The following DYTN variants were observed in gnomAD, a reference collection of about 807,000 sequenced individuals.
DYTN encodes the protein dystrotelin.
DYTN carries 75 observed loss-of-function variants against 69.6 expected under a neutral mutation model. The ratio of observed to expected loss-of-function variants is 1.08; its 90% CI spans 0.89 to 1.31. The LOEUF is 1.31. Ranked by LOEUF, DYTN falls within the 50% of genes most tolerant of loss-of-function variation. The pLI is 0.00. For missense variants in DYTN, 726 were observed against 688.4 expected (o/e 1.05, Z -0.61); for synonymous variants, 252 against 249.1 (o/e 1.01, Z -0.11).
In DYTN at chr2:206,693,219, C is replaced by A. The variant is rs368704058; in HGVS notation, c.936G>T (p.Leu312=). 2 of 1,613,334 alleles carry A rather than the reference C, an allele frequency of 1.2e-6. No individual in the cohort carries two copies. Among genetic ancestry groups the A allele is most frequent in the Non-Finnish European group, 1.7e-6 (2 of 1,179,838 alleles). ...GCACACCCTTTGGATTCACCTGGTCCAGCAGCTGCTGCCTTCTCGCTGCTT... is the reference window on the plus strand; with the variant it reads ...GCACACCCTTTGGATTCACCTGGTCAAGCAGCTGCTGCCTTCTCGCTGCTT... ...KKEAARRQQL[L]DQVNPKGVPH... Residue 312 remains leucine, a synonymous_variant, in exon 9 of 12, where the codon CTG becomes CTT. Coordinates refer to ENST00000452335, the MANE Select transcript of DYTN (RefSeq NM_001093730.1).
At chr2:206,683,891 C>T (rs1477960768) in intron 9 of DYTN, among the ~76,000 whole-genome samples, 1 of 151,962 alleles carries the variant, frequency 6.6e-6, no homozygotes, top group East Asian at 1.9e-4. Flanking sequence ...CACTGAGGTC[C>T]GCTATAACCA....
chr2:206,716,678 A>T (rs1700133509), intron 1 of DYTN, among the ~76,000 whole-genome samples: 1 of 152,124 alleles, frequency 6.6e-6, no homozygotes, highest in African/African-American at 2.4e-5. Flanking sequence ...GAGAGTAGGC[A>T]TAATAGGGTG....
intron 9 of DYTN, among the ~76,000 whole-genome samples, chr2:206,687,929 T>G (rs1054231678): frequency 6.6e-6 from 1 of 152,242 alleles, no homozygotes; most frequent in African/African-American, 2.4e-5. Flanking sequence ...CTTCAGATAT[T>G]AATGTCTCTC....
At chr2:206,655,629 G>T (rs1574584191) in intron 11 of DYTN, among the ~76,000 whole-genome samples, 2 of 137,476 alleles carry the variant, frequency 1.5e-5, no homozygotes, top group East Asian at 2.1e-4. Context: ...TTGACAAGTT[G>T]CTCAGGCTGG....
At chr2:206,668,344 T>C (rs572475654) in intron 9 of DYTN, among the ~76,000 whole-genome samples, 1 of 152,340 alleles carries the variant, frequency 6.6e-6, no homozygotes, top group African/African-American at 2.4e-5. Flanking sequence ...GGTAGGACTC[T>C]GTCAGAAATC....
Position 206,694,814 on chromosome 2 carries a change from G to A in DYTN, c.783C>T (p.His261=), listed in dbSNP as rs751692292. 6.2e-7 allele frequency: 1 copy of A among 1,611,098 alleles called. No individual in the cohort carries two copies. The highest frequency in any genetic ancestry group is 1.7e-5 in the Admixed American group (1 of 59,368). Residue 261 remains histidine (H), a synonymous_variant, in exon 8 of 12, where the codon CAC becomes CAT. Coordinates refer to ENST00000452335, the MANE Select transcript of DYTN (RefSeq NM_001093730.1). ...ICQMCFLSGL[H]SKSHQKSHPV... Reference sequence around the variant, plus strand: ...GATGAGACTTCTGATGGGACTTGCTGTGAAGACCAGATAAGAAACACATCT... The same window carrying A: ...GATGAGACTTCTGATGGGACTTGCTATGAAGACCAGATAAGAAACACATCT...
intron 5 of DYTN, 100 bp from the exon 6 acceptor site, chr2:206,700,316 C>T: frequency 1.5e-6 from 2 of 1,304,388 alleles, no homozygotes; most frequent in Non-Finnish European, 2.2e-6. Context: ...TGTGTAGTCA[C>T]AAGTATTTGG....
At chr2:206,654,659 G>C (rs1043220931) in intron 11 of DYTN, among the ~76,000 whole-genome samples, 1 of 152,144 alleles carries the variant, frequency 6.6e-6, no homozygotes, top group African/African-American at 2.4e-5. Flanking sequence ...GGTCAACTCT[G>C]TATCCATTAC....
In DYTN at chr2:206,667,336, C is replaced by T. The variant is rs569836133; in HGVS notation, c.981-1307G>A. Among the ~76,000 whole-genome samples, 13 of 152,292 alleles carry T rather than the reference C, an allele frequency of 8.5e-5. 1 individual carries two copies. In the South Asian group the frequency reaches 2.5e-3, roughly 29 times the overall value. On this transcript the variant is annotated intron_variant, in intron 9 of 11. Coordinates refer to ENST00000452335, the MANE Select transcript of DYTN (RefSeq NM_001093730.1). ...CCACTTAGAGTCTGCTCTTCTGCTC[C>T]CTCTGCCTGGATGCTGTTTCTTCCC...
At chr2:206,655,349 G>A (rs1385895385) in intron 11 of DYTN, among the ~76,000 whole-genome samples, 1 of 150,732 alleles carries the variant, frequency 6.6e-6, no homozygotes, top group East Asian at 2.0e-4. Context: ...GGGCTCAAAT[G>A]ATTCTCTTGT....
At chr2:206,654,466 G>A (rs1699424131) in intron 11 of DYTN, among the ~76,000 whole-genome samples, 1 of 151,820 alleles carries the variant, frequency 6.6e-6, no homozygotes. Flanking sequence ...TTACTTTTTT[G>A]TAAGAATGCA....
At chr2:206,674,010 T>G (rs1699655573) in intron 9 of DYTN, among the ~76,000 whole-genome samples, 1 of 152,222 alleles carries the variant, frequency 6.6e-6, no homozygotes, top group Non-Finnish European at 1.5e-5. Flanking sequence ...CTGTTGCAAT[T>G]AATTTATAGT....
chr2:206,659,037 A>C (rs915573805), intron 11 of DYTN, among the ~76,000 whole-genome samples: 20 of 150,550 alleles, frequency 1.3e-4, no homozygotes, highest in Admixed American at 1.3e-4. Context: ...ACACTTTTCC[A>C]AATTTATTTT....
chr2:206,705,700 A>G, intron 4 of DYTN, 88 bp downstream of exon 4: 1 of 1,137,128 alleles, frequency 8.8e-7, no homozygotes, highest in Non-Finnish European at 1.3e-6. Context: ...TACATGCTGA[A>G]GAGGCCTTGT....
intron 1 of DYTN, among the ~76,000 whole-genome samples, chr2:206,712,164 GGA>G (rs1700084132): frequency 6.6e-6 from 1 of 152,102 alleles, no homozygotes; most frequent in Non-Finnish European, 1.5e-5. Context: ...TGGGAACTTG[GGA>G]GAAAAACAAT....
intron 2 of DYTN, among the ~76,000 whole-genome samples, chr2:206,709,072 G>C (rs990089526): frequency 2.6e-5 from 4 of 152,122 alleles, no homozygotes; most frequent in Non-Finnish European, 5.9e-5. Flanking sequence ...AGTTATAAGT[G>C]AGTTTCTTTA....
At chr2:206,718,170 T>G in intron 1 of DYTN, 91 bp downstream of exon 1, 1 of 1,368,790 alleles carries the variant, frequency 7.3e-7, no homozygotes, top group Non-Finnish European at 9.8e-7. Context: ...AAATGTTTAC[T>G]CTTCTTCAAA....
chr2:206,708,126 G>A (rs1033815196), intron 2 of DYTN, among the ~76,000 whole-genome samples: 35 of 152,096 alleles, frequency 2.3e-4, no homozygotes, highest in Admixed American at 2.0e-4. Flanking sequence ...TCTAGAGAAG[G>A]CACTTAATAA....
Position 206,662,981 on chromosome 2 carries a change from T to C in DYTN, c.1555A>G (p.Lys519Glu), listed in dbSNP as rs1699529587. The part of the protein sequence containing the change: ...KKEAGNIKER[K>E]DELEEEELQE... ...AGTTCCTCTTCCTCCAGCTCATCCT[T>C]TCTCTCCTTGATGTTACCTGCCTCT... The change falls in exon 11 of 12, where the codon AAG becomes GAG. Residue 519 changes from lysine (K) to glutamate (E), a missense_variant. Coordinates refer to ENST00000452335, the MANE Select transcript of DYTN (RefSeq NM_001093730.1). 6.2e-7 allele frequency: 1 copy of C among 1,613,710 alleles called. No individual in the cohort carries two copies. The highest frequency in any genetic ancestry group is 8.5e-7 in the Non-Finnish European group (1 of 1,179,870).
Sources: allele counts gnomAD v4.1 joint callset (sites outside exome capture counted in the v4.1 genomes callset), GRCh38; gene constraint gnomAD v4.1.1; transcripts MANE v1.5; gene names NCBI Gene and HGNC (gene_info 2026-07-23, HGNC 2026-07-21).